SLIT3: variants seen among roughly 807,000 people sequenced by gnomAD.
SLIT3 encodes slit guidance ligand 3.
SLIT3 carries 68 observed loss-of-function variants against 184.0 expected under a neutral mutation model. That is an observed-to-expected ratio of 0.37 (90% CI 0.30 to 0.45). The LOEUF (loss-of-function observed/expected upper bound fraction) is 0.45, where lower values mean the gene tolerates loss of function less well. Ranked by LOEUF, SLIT3 falls within the 20% of genes least tolerant of loss-of-function variation. The pLI is 1.00. For synonymous variants in SLIT3, 831 were observed against 828.6 expected (o/e 1.00, Z -0.05); for missense variants, 1,707 against 2,026.0 (o/e 0.84, Z 3.02).
At position 168,834,285 on chromosome 5, in the gene SLIT3, C is replaced by T. The variant is rs185292910; in HGVS notation, c.557+10299G>A. Among the ~76,000 whole-genome samples, 186 of 152,154 alleles carry T rather than the reference C, an allele frequency of 1.2e-3. 1 individual carries two copies. The highest frequency in any genetic ancestry group is 3.9e-3 in the African/African-American group (163 of 41,520). On this transcript the variant is annotated intron_variant, in intron 6 of 35. Transcript: ENST00000519560. Reference sequence around the variant, plus strand: ...GAAGCAAATAATGGGGATCAGGGAACGAATTTACACTGAAAGGGCTTCCTT... The same window carrying T: ...GAAGCAAATAATGGGGATCAGGGAATGAATTTACACTGAAAGGGCTTCCTT...
chr5:169,157,112 C>G (rs906164614), intron 4 of SLIT3, among the ~76,000 whole-genome samples: 1 of 152,174 alleles, frequency 6.6e-6, no homozygotes, highest in Non-Finnish European at 1.5e-5. Flanking sequence ...GGAGTAGTAT[C>G]AGAGAAGGCC....
chr5:168,746,465 T>TG (rs1763823262), intron 20 of SLIT3, among the ~76,000 whole-genome samples: 1 of 40,468 alleles, frequency 2.5e-5, no homozygotes, highest in Non-Finnish European at 4.5e-5. Flanking sequence ...TGTGGTGGTG[T>TG]GCGGTGGTGT....
Position 169,300,803 on chromosome 5 carries a change from G to T in SLIT3, c.-94C>A. On this transcript the variant is annotated 5_prime_UTR_variant, in exon 1 of 36. Transcript: ENST00000519560. This position sits in a 1 kb window ranked among gnomAD's most constrained non-coding sequence, Gnocchi z 4.1. The stretch of plus-strand genomic sequence containing the variant: ...GCGCGGGGAGCGCGGGCGGCCTGGG[G>T]AGCGGGCGGCGGAGTTAGCGCGGAG... 1 of 1,209,178 alleles carries T rather than the reference G, an allele frequency of 8.3e-7. No homozygotes were observed. Among genetic ancestry groups the T allele is most frequent in the Non-Finnish European group, 1.0e-6 (1 of 969,208 alleles). The allele number at this position is 1,209,178 out of a possible 1,614,324, so 74.9% of individuals were successfully genotyped here.
At chr5:169,146,254 C>G (rs762514260) in intron 4 of SLIT3, among the ~76,000 whole-genome samples, 4 of 152,344 alleles carry the variant, frequency 2.6e-5, no homozygotes, top group Middle Eastern at 3.4e-3. Context: ...CCCAGGCAGC[C>G]AGGCTGCAAG....
chr5:168,953,547 G>A (rs1002717092), intron 4 of SLIT3, among the ~76,000 whole-genome samples: 2 of 152,212 alleles, frequency 1.3e-5, no homozygotes, highest in Admixed American at 6.5e-5. Context: ...CCTCCGTAAC[G>A]TGAAGCTAAT....
intron 4 of SLIT3, among the ~76,000 whole-genome samples, chr5:168,908,062 T>G (rs947823457): frequency 6.7e-6 from 1 of 149,686 alleles, no homozygotes; most frequent in African/African-American, 2.5e-5. Context: ...ACTGGGTGGC[T>G]GTACACAGGA....
chr5:168,786,033 C>G (rs766827160), intron 11 of SLIT3, 55 bp from the exon 12 acceptor site: 6 of 1,269,476 alleles, frequency 4.7e-6, no homozygotes, highest in Non-Finnish European at 5.8e-6. Context: ...CCACCAGAAC[C>G]CAGTCCTGCA....
chr5:169,224,452 C>T (rs974210856), intron 3 of SLIT3, among the ~76,000 whole-genome samples: 19 of 151,778 alleles, frequency 1.3e-4, no homozygotes, highest in Non-Finnish European at 2.2e-4. Flanking sequence ...ACTGCAGCCT[C>T]GACCTCCTGG....
At chr5:168,974,628 T>C (rs562209237) in intron 4 of SLIT3, among the ~76,000 whole-genome samples, 1 of 152,328 alleles carries the variant, frequency 6.6e-6, no homozygotes, top group Non-Finnish European at 1.5e-5. Context: ...GAAGAGGCTT[T>C]TGGGCTCTGG....
At chr5:169,107,999 G>A (rs948307556) in intron 4 of SLIT3, among the ~76,000 whole-genome samples, 2 of 152,118 alleles carry the variant, frequency 1.3e-5, no homozygotes, top group Non-Finnish European at 2.9e-5. Flanking sequence ...CATTTTGACT[G>A]TTACTTCCCC....
chr5:168,664,779 C>T lies in SLIT3; in HGVS notation c.*1675G>A, dbSNP rs577386603. The stretch of plus-strand genomic sequence containing the variant: ...CAGCTGAGCCCTGGAAGATATGTGG[C>T]TAACCTGATGGGGTGGAAGGGGGCA... On this transcript the variant is annotated 3_prime_UTR_variant, in exon 36 of 36. Coordinates refer to ENST00000519560, the MANE Select transcript of SLIT3 (RefSeq NM_003062.4). The T allele has an allele frequency of 6.6e-6, 1 of 152,348 alleles. No homozygotes were observed. The highest frequency in any genetic ancestry group is 2.1e-4 in the South Asian group (1 of 4,820). The allele number at this position is 152,348 out of a possible 1,614,324, so 9.4% of individuals were successfully genotyped here. A position where few individuals can be genotyped will look rare whatever the true frequency, so the allele number is the denominator to read the frequency against.
At chr5:168,860,742 A>G (rs910241785) in intron 5 of SLIT3, among the ~76,000 whole-genome samples, 1 of 152,198 alleles carries the variant, frequency 6.6e-6, no homozygotes, top group Non-Finnish European at 1.5e-5. Flanking sequence ...GATGACTAGG[A>G]ATAGCCCTTA....
At chr5:169,248,903 C>A (rs539274866) in intron 2 of SLIT3, among the ~76,000 whole-genome samples, 85 of 152,214 alleles carry the variant, frequency 5.6e-4, no homozygotes, top group Non-Finnish European at 9.3e-4. Context: ...GAAAATTGCC[C>A]TGGGTTGAGA....
intron 26 of SLIT3, 38 bp from the exon 27 acceptor site, chr5:168,700,717 G>A (rs1409336492): frequency 4.0e-6 from 6 of 1,501,692 alleles, no homozygotes; most frequent in Non-Finnish European, 5.6e-6. Context: ...TGGTTAGGGG[G>A]ACTTCTGGGG....
intron 4 of SLIT3, among the ~76,000 whole-genome samples, chr5:169,071,202 T>A (rs1758533394): frequency 6.6e-6 from 1 of 152,212 alleles, no homozygotes; most frequent in African/African-American, 2.4e-5. Flanking sequence ...TCAAAACACC[T>A]TTTTACACTT....
intron 9 of SLIT3, among the ~76,000 whole-genome samples, chr5:168,803,480 T>C (rs1194145305): frequency 6.6e-6 from 1 of 152,250 alleles, no homozygotes; most frequent in Non-Finnish European, 1.5e-5. Context: ...CTTTCAGGTA[T>C]GGTCTGGCCT....
Position 169,072,914 on chromosome 5 carries a change from G to A in SLIT3, c.413+120565C>T, listed in dbSNP as rs150597079. Among the ~76,000 whole-genome samples, 1,508 of 152,232 alleles carry A rather than the reference G, an allele frequency of 9.9e-3. 10 individuals carry two copies. Among genetic ancestry groups the A allele is most frequent in the Non-Finnish European group, 0.016 (1,103 of 67,996 alleles). The stretch of plus-strand genomic sequence containing the variant: ...CCAACTGTTGCTGTAAAGGTTGCCC[G>A]CCACTTGCTGAAATACCAGCAGCCT... On this transcript the variant is annotated intron_variant, in intron 4 of 35. Coordinates refer to ENST00000519560, the MANE Select transcript of SLIT3 (RefSeq NM_003062.4).
At chr5:168,886,656 A>G (rs575179447) in intron 4 of SLIT3, among the ~76,000 whole-genome samples, 21 of 152,244 alleles carry the variant, frequency 1.4e-4, no homozygotes, top group African/African-American at 5.1e-4. Context: ...GAAGAAAGGC[A>G]TGAGATTGGA....
chr5:169,179,634 A>G (rs1763091927), intron 4 of SLIT3, among the ~76,000 whole-genome samples: 1 of 151,560 alleles, frequency 6.6e-6, no homozygotes. Flanking sequence ...TCCTCCTGCC[A>G]CCGAGTTAGT....
Sources: gnomAD v4.1 joint callset for allele counts (sites outside exome capture counted in the v4.1 genomes callset) on GRCh38, gnomAD v4.1.1 for gene constraint, Gnocchi (gnomAD v3.1) non-coding constraint, MANE v1.5 for transcripts, NCBI Gene and HGNC (gene_info 2026-07-23, HGNC 2026-07-21) for gene names.